Variants in VPS54 observed in about 807,000 individuals in gnomAD.
VPS54 encodes vacuolar protein sorting-associated protein 54.
A neutral mutation model predicts 121.5 loss-of-function variants in VPS54; 45 were observed. That is an observed-to-expected ratio of 0.37 (90% CI 0.29 to 0.47). The LOEUF is 0.47. VPS54 is among the 20% of genes least tolerant of loss of function. VPS54 has a pLI of 0.99. For missense variants in VPS54, 1,090 were observed against 1,131.4 expected, an observed-to-expected ratio of 0.96 and a Z score of 0.52; for synonymous variants, 371 against 385.8, an observed-to-expected ratio of 0.96 and a Z score of 0.45.
chr2:63,977,283 G>A (rs1185793568), intron 3 of VPS54, among the ~76,000 whole-genome samples: 1 of 152,058 alleles, frequency 6.6e-6, no homozygotes, highest in Non-Finnish European at 1.5e-5. Flanking sequence ...TGCTTAATTT[G>A]GATTAAATTT....
intron 22 of VPS54, among the ~76,000 whole-genome samples, chr2:63,894,944 GA>G (rs1672383141): frequency 6.6e-6 from 1 of 152,164 alleles, no homozygotes; most frequent in South Asian, 2.1e-4. Context: ...AAGGCTGGGA[GA>G]AAAAGGGAAT....
In VPS54 at chr2:63,930,999, T is replaced by A. The variant is rs1185734095; in HGVS notation, c.1739+2674A>T. Among the ~76,000 whole-genome samples, 6 of 152,212 alleles carry A rather than the reference T, an allele frequency of 3.9e-5. No homozygotes were observed. The East Asian group carries it at 1.2e-3, about 29-fold the overall frequency. Reference sequence around the variant, plus strand: ...TTCAAGGAGAACTACAAACCACTGCTCAAGGAAATAAGAGAGGACACAAAC... The same window carrying A: ...TTCAAGGAGAACTACAAACCACTGCACAAGGAAATAAGAGAGGACACAAAC... On this transcript the variant is annotated intron_variant, in intron 12 of 22. Transcript: ENST00000272322.
chr2:63,982,134 T>C (rs1460550876), intron 2 of VPS54, among the ~76,000 whole-genome samples: 2 of 152,146 alleles, frequency 1.3e-5, no homozygotes, highest in Non-Finnish European at 2.9e-5. Flanking sequence ...GATTGCAGGG[T>C]GGAGTGAATA....
chr2:63,914,408 T>C (rs1303547245), intron 16 of VPS54, 121 bp from the exon 17 acceptor site: 1 of 682,420 alleles, frequency 1.5e-6, no homozygotes, highest in Non-Finnish European at 2.5e-6. Context: ...ATGACCTTGG[T>C]AACTATGTTA....
intron 1 of VPS54, among the ~76,000 whole-genome samples, chr2:64,015,601 T>A (rs1218416879): frequency 6.6e-6 from 1 of 152,212 alleles, no homozygotes; most frequent in Admixed American, 6.5e-5. Context: ...TACCATTTCC[T>A]TCAGCTATGA....
intron 20 of VPS54, among the ~76,000 whole-genome samples, chr2:63,903,014 A>G (rs1672753300): frequency 6.6e-6 from 1 of 152,190 alleles, no homozygotes; most frequent in Non-Finnish European, 1.5e-5. Context: ...ACAACATAAC[A>G]TAACAAAAAT....
intron 1 of VPS54, among the ~76,000 whole-genome samples, chr2:63,986,571 G>T (rs1677063196): frequency 6.6e-6 from 1 of 152,150 alleles, no homozygotes; most frequent in Non-Finnish European, 1.5e-5. Context: ...AATAAATATG[G>T]ATATCTCTTC....
chr2:63,922,956 A>G (rs7558570), intron 12 of VPS54, among the ~76,000 whole-genome samples: 11,109 of 152,138 alleles, frequency 0.073, 815 homozygotes, highest in African/African-American at 0.19. Flanking sequence ...AGAGTGAATT[A>G]ATCCAAAAAG....
At chr2:63,990,094 G>A (rs994613886) in intron 1 of VPS54, among the ~76,000 whole-genome samples, 3 of 152,100 alleles carry the variant, frequency 2.0e-5, no homozygotes, top group Admixed American at 6.6e-5. Context: ...TACCAATCCC[G>A]TGACCCCCTA....
intron 3 of VPS54, among the ~76,000 whole-genome samples, chr2:63,981,281 A>T (rs1339781446): frequency 6.6e-6 from 1 of 152,146 alleles, no homozygotes; most frequent in Non-Finnish European, 1.5e-5. Context: ...GGTGCTCTAT[A>T]GAATTGTATG....
chr2:63,959,195 C>A (rs904697038), intron 7 of VPS54, among the ~76,000 whole-genome samples: 2 of 152,048 alleles, frequency 1.3e-5, no homozygotes, highest in African/African-American at 4.8e-5. Context: ...CAACCTTTAG[C>A]AAAAGGAAAG....
intron 1 of VPS54, among the ~76,000 whole-genome samples, chr2:63,997,417 T>C (rs141587735): frequency 1.3e-5 from 2 of 152,316 alleles, no homozygotes; most frequent in African/African-American, 4.8e-5. Flanking sequence ...TTCTTCATGG[T>C]TCAGTCCTGG....
intron 1 of VPS54, among the ~76,000 whole-genome samples, chr2:64,011,847 T>C (rs1032938353): frequency 1.3e-5 from 2 of 152,172 alleles, no homozygotes; most frequent in African/African-American, 2.4e-5. Flanking sequence ...AGAATAAATA[T>C]GTCTCAAATA....
chr2:63,953,943 A>G lies in VPS54; in HGVS notation c.1011-4780T>C, dbSNP rs571872444. ...CAACATACACAGATTGTCTCAGAAC[A>G]ATATTATTAATACAAACAATATAGG... is the stretch of plus-strand genomic sequence containing the variant. On this transcript the variant is annotated intron_variant, in intron 7 of 22. Transcript: ENST00000272322. 2.0e-5 allele frequency among the ~76,000 whole-genome samples: 3 copies of G among 152,320 alleles called. No individual in the cohort carries two copies. In the East Asian group the frequency reaches 5.8e-4, roughly 29 times the overall value.
rs1678872934 is a variant in VPS54, at chr2:64,019,417, A to G, written c.-500T>C. ...AGCGCCGGAGGCCGCCGCAGCCCCC[A>G]GCCCACAATCCACCGCGCGGCTCCG... is the stretch of plus-strand genomic sequence containing the variant. On this transcript the variant is annotated 5_prime_UTR_variant, in exon 1 of 23. Transcript: ENST00000272322. 1.3e-5 allele frequency among the ~76,000 whole-genome samples: 2 copies of G among 150,888 alleles called. No individual in the cohort carries two copies. The highest frequency in any genetic ancestry group is 3.0e-5 in the Non-Finnish European group (2 of 67,594).
In VPS54 at chr2:63,893,440, T is replaced by G; in HGVS notation, c.2924A>C (p.Gln975Pro). ...LDLNMAEIWE[Q>P]KR ...TTTTCCAGGATGACATCACCTCTTC[T>G]GCTCCCAAATTTCGGCCATATTTAG... The change falls in exon 23 of 23, where the codon CAG (glutamine) becomes CCG (proline). Residue 975 changes from glutamine to proline, a missense_variant. By Grantham distance (76) the Gln-to-Pro change is moderately conservative (BLOSUM62 -1). This residue lies in a region of VPS54 where 289 missense variants were observed against 374.4 expected (regional missense o/e 0.77). Transcript: ENST00000272322. 6.2e-7 allele frequency: 1 copy of G among 1,613,924 alleles called. No individual in the cohort carries two copies. Among genetic ancestry groups the G allele is most frequent in the Non-Finnish European group, 8.5e-7 (1 of 1,179,802 alleles).
chr2:63,955,300 T>C (rs939921898), intron 7 of VPS54, among the ~76,000 whole-genome samples: 1 of 152,024 alleles, frequency 6.6e-6, no homozygotes, highest in Non-Finnish European at 1.5e-5. Context: ...GGATATAAAT[T>C]TAGACCTAAT....
At chr2:63,954,853 A>T (rs548384587) in intron 7 of VPS54, among the ~76,000 whole-genome samples, 2 of 152,052 alleles carry the variant, frequency 1.3e-5, no homozygotes, top group African/African-American at 2.4e-5. Flanking sequence ...AAGACAACCC[A>T]GTTTCTTCGA....
intron 1 of VPS54, among the ~76,000 whole-genome samples, chr2:63,985,466 T>C (rs1375617820): frequency 6.6e-6 from 1 of 152,076 alleles, no homozygotes; most frequent in Non-Finnish European, 1.5e-5. Context: ...AAAGGAAACA[T>C]AACCAAATAT....
Sources: gnomAD v4.1 joint callset for allele counts (sites outside exome capture counted in the v4.1 genomes callset) on GRCh38, gnomAD v4.1.1 for gene constraint, gnomAD v4.1.1 regional missense constraint, MANE v1.5 for transcripts, NCBI Gene and HGNC (gene_info 2026-07-23, HGNC 2026-07-21) for gene names.